TMCO6: variants seen among roughly 807,000 people sequenced by gnomAD.
TMCO6 encodes the protein transmembrane and coiled-coil domains 6, also known as transmembrane and coiled-coil domain-containing protein 6.
Under a neutral mutation model 61.8 loss-of-function variants are expected in TMCO6, and 47 were observed. The observed-to-expected ratio is 0.76, with a 90% confidence interval of 0.60 to 0.97. The LOEUF is 0.97. Ranked by LOEUF, TMCO6 falls within the 50% of genes least tolerant of loss-of-function variation. The pLI is 0.00. For synonymous variants in TMCO6, 261 were observed against 254.2 expected, an observed-to-expected ratio of 1.03 and a Z score of -0.25; for missense variants, 557 against 601.6, an observed-to-expected ratio of 0.93 and a Z score of 0.78.
At chr5:140,631,892 G>A in the TMCO6 span, 1 of 1,588,746 alleles carries the variant, frequency 6.3e-7, no homozygotes, top group African/African-American at 1.3e-5. Context: ...GCAGCACCAG[G>A]GTTCCCGACA....
At chr5:140,641,616 C>T in intron 2 of TMCO6, 49 bp from the exon 3 acceptor site, 1 of 1,548,614 alleles carries the variant, frequency 6.5e-7, no homozygotes, top group Non-Finnish European at 8.9e-7. Context: ...AGACTTAGGA[C>T]TTGCTTTCTG....
the TMCO6 span, among the ~76,000 whole-genome samples, chr5:140,610,222 C>A: frequency 2.0e-5 from 3 of 147,968 alleles, no homozygotes; most frequent in Non-Finnish European, 4.4e-5. Flanking sequence ...CCAGGCGTGG[C>A]AGCATGTGCC....
the TMCO6 span, among the ~76,000 whole-genome samples, chr5:140,609,701 C>G: frequency 6.6e-6 from 1 of 150,498 alleles, no homozygotes; most frequent in African/African-American, 2.5e-5. Context: ...GAATTGTCAT[C>G]TTGACAATCA....
chr5:140,607,043 T>G, the TMCO6 span, among the ~76,000 whole-genome samples: 1 of 151,888 alleles, frequency 6.6e-6, no homozygotes, highest in Non-Finnish European at 1.5e-5. Context: ...GACTACTGTT[T>G]AAAATAAAAT....
chr5:140,639,919 G>A (rs1456940032), intron 2 of TMCO6, 68 bp downstream of exon 2: 1 of 1,384,830 alleles, frequency 7.2e-7, no homozygotes, highest in African/African-American at 1.4e-5. Context: ...GAGTACTCGA[G>A]GTCTGCCCCA....
At chr5:140,611,922 C>T in the TMCO6 span, among the ~76,000 whole-genome samples, 1 of 152,122 alleles carries the variant, frequency 6.6e-6, no homozygotes, top group Non-Finnish European at 1.5e-5. Context: ...TAAAGAGCCT[C>T]CCATGATCTG....
the TMCO6 span, among the ~76,000 whole-genome samples, chr5:140,623,679 C>T: frequency 6.6e-6 from 1 of 152,172 alleles, no homozygotes. Flanking sequence ...GGCCTCAAAC[C>T]ATAGAGTCAT....
downstream of TMCO6, chr5:140,647,245 C>A (rs375081685): frequency 7.7e-5 from 119 of 1,539,086 alleles, no homozygotes; most frequent in South Asian, 5.0e-4. Context: ...CCCCTGGCGT[C>A]CCGCACTCAC....
Position 140,644,272 on chromosome 5 carries a change from C to T in TMCO6, c.1200+78C>T. The T allele has an allele frequency of 3.4e-6, 5 of 1,480,568 alleles. No individual in the cohort carries two copies. In the Admixed American group the frequency reaches 8.4e-5, roughly 25 times the overall value. 91.7% of individuals were successfully genotyped at this position (1,480,568 alleles called of 1,614,324 possible). A position where few individuals can be genotyped will look rare whatever the true frequency, so the allele number is the denominator to read the frequency against. ...CAGCAGTCCTGAGCCCTCAGATGTACCCTTAGTTGAGAGCCAGCAGGTGGT... is the reference window on the plus strand; with the variant it reads ...CAGCAGTCCTGAGCCCTCAGATGTATCCTTAGTTGAGAGCCAGCAGGTGGT... On this transcript the variant is annotated intron_variant, in intron 10 of 11. Coordinates refer to ENST00000394671, the MANE Select transcript of TMCO6 (RefSeq NM_018502.5).
chr5:140,646,524 A>G (rs1757412113), downstream of TMCO6, among the ~76,000 whole-genome samples: 1 of 151,712 alleles, frequency 6.6e-6, no homozygotes, highest in African/African-American at 2.4e-5. Flanking sequence ...ACTCTCCTCC[A>G]CCTCCTCCCG....
chr5:140,615,413 CT>C, the TMCO6 span, among the ~76,000 whole-genome samples: 1 of 150,534 alleles, frequency 6.6e-6, no homozygotes, highest in Admixed American at 6.6e-5. Flanking sequence ...AATTCAATGG[CT>C]TTTTTTTTCA....
the TMCO6 span, among the ~76,000 whole-genome samples, chr5:140,596,905 C>T: frequency 1.3e-5 from 2 of 152,208 alleles, no homozygotes; most frequent in Non-Finnish European, 2.9e-5. Context: ...AGTAATAAAA[C>T]TACTTCATGT....
At position 140,644,548 on chromosome 5, in the gene TMCO6, AGACTATATATGT is replaced by A; in HGVS notation, c.1201-23_1201-12del. 1 of 1,605,976 alleles carries A rather than the reference AGACTATATATGT, an allele frequency of 6.2e-7. No homozygotes were observed. Among genetic ancestry groups the A allele is most frequent in the South Asian group, 1.1e-5 (1 of 90,258 alleles). Reference sequence around the variant, plus strand: ...ATGATCTTTGTGTTTCATTCTTTGTAGACTATATATGTGTCTATCTGCAGGTGCTCACAGTTC... The same window carrying A: ...ATGATCTTTGTGTTTCATTCTTTGTAGTCTATCTGCAGGTGCTCACAGTTC... On this transcript the variant is annotated splice_polypyrimidine_tract_variant and intron_variant, in intron 10 of 11. Coordinates refer to ENST00000394671, the MANE Select transcript of TMCO6 (RefSeq NM_018502.5).
upstream of TMCO6, among the ~76,000 whole-genome samples, chr5:140,637,114 C>G (rs1756786826): frequency 6.6e-6 from 1 of 152,046 alleles, no homozygotes; most frequent in Admixed American, 6.6e-5. Flanking sequence ...AGGATGCAGG[C>G]AGAGAAAACA....
chr5:140,643,523 T>A (rs1470072862), intron 7 of TMCO6, 41 bp from the exon 8 acceptor site: 2 of 1,569,936 alleles, frequency 1.3e-6, no homozygotes, highest in South Asian at 1.1e-5. Flanking sequence ...AAAGGTGGAA[T>A]TGACTATATA....
chr5:140,639,451 G>C lies in TMCO6; in HGVS notation c.-77G>C. 1.4e-6 allele frequency: 2 copies of C among 1,419,108 alleles called. No individual in the cohort carries two copies. The highest frequency in any genetic ancestry group is 1.9e-6 in the Non-Finnish European group (2 of 1,030,076). 87.9% of individuals were successfully genotyped at this position (1,419,108 alleles called of 1,614,324 possible). The stretch of plus-strand genomic sequence containing the variant: ...TGTTCCCGCCCTGTGCTGAGGCTGC[G>C]CAGTCGGTGCCATCTTCTACGCCCC... On this transcript the variant is annotated 5_prime_UTR_variant, in exon 1 of 12. Coordinates refer to ENST00000394671, the MANE Select transcript of TMCO6 (RefSeq NM_018502.5).
At chr5:140,609,412 C>A in the TMCO6 span, 5 of 219,592 alleles carry the variant, frequency 2.3e-5, no homozygotes, top group Non-Finnish European at 4.8e-5. Flanking sequence ...GAGCCACCCT[C>A]CCCTGTGAGC....
the TMCO6 span, among the ~76,000 whole-genome samples, chr5:140,620,592 T>G: frequency 6.6e-6 from 1 of 151,908 alleles, no homozygotes; most frequent in Non-Finnish European, 1.5e-5. Flanking sequence ...CTGGTGGGGG[T>G]TGTCGATAAT....
the TMCO6 span, among the ~76,000 whole-genome samples, chr5:140,621,538 T>G: frequency 2.0e-5 from 3 of 152,144 alleles, no homozygotes; most frequent in Non-Finnish European, 4.4e-5. Context: ...TTGCATTAAC[T>G]GCACAAATTG....
Sources: allele counts gnomAD v4.1 joint callset (sites outside exome capture counted in the v4.1 genomes callset), GRCh38; gene constraint gnomAD v4.1.1; transcripts MANE v1.5; gene names NCBI Gene and HGNC (gene_info 2026-07-23, HGNC 2026-07-21).